TRAM2: variants seen among roughly 807,000 people sequenced by gnomAD.
TRAM2 encodes translocation associated membrane protein 2.
TRAM2 carries 12 observed loss-of-function variants against 51.0 expected under a neutral mutation model. The ratio of observed to expected loss-of-function variants is 0.24; its 90% confidence interval spans 0.15 to 0.38. The LOEUF is 0.38. TRAM2 is among the 10% of genes least tolerant of loss of function. TRAM2 has a pLI of 1.00. For synonymous variants in TRAM2, 175 were observed against 179.4 expected, an observed-to-expected ratio of 0.98 and a Z score of 0.20; for missense variants, 361 against 462.0, an observed-to-expected ratio of 0.78 and a Z score of 2.00.
At chr6:52,538,515 C>A (rs1480764874) in intron 1 of TRAM2, among the ~76,000 whole-genome samples, 1 of 152,204 alleles carries the variant, frequency 6.6e-6, no homozygotes, top group African/African-American at 2.4e-5. Context: ...CTGGCCCCCA[C>A]AGAGCCTCCT....
chr6:52,534,501 C>T (rs903525972), intron 2 of TRAM2, among the ~76,000 whole-genome samples: 4 of 152,152 alleles, frequency 2.6e-5, no homozygotes, highest in East Asian at 1.9e-4. Flanking sequence ...GAGAAAGGAG[C>T]GATACTCTGG....
intron 1 of TRAM2, among the ~76,000 whole-genome samples, chr6:52,558,450 A>G (rs1192254844): frequency 1.3e-5 from 2 of 152,226 alleles, no homozygotes; most frequent in East Asian, 3.8e-4. Context: ...ATAACTGTGG[A>G]ATGAACTGAA....
At chr6:52,516,841 C>T (rs1766560348) in intron 2 of TRAM2, 104 bp from the exon 3 acceptor site, 3 of 870,462 alleles carry the variant, frequency 3.4e-6, no homozygotes, top group African/African-American at 1.7e-5. Flanking sequence ...TCAAATGCTA[C>T]CCGTTTGCTA....
At chr6:52,515,807 G>T in intron 4 of TRAM2, 199 bp downstream of exon 4, 1 of 556,850 alleles carries the variant, frequency 1.8e-6, no homozygotes, top group South Asian at 2.3e-5. Flanking sequence ...CTATAAAATG[G>T]CATCTCTCTG....
chr6:52,499,954 T>C lies in TRAM2; in HGVS notation c.*3243A>G, dbSNP rs1386273334. The stretch of plus-strand genomic sequence containing the variant: ...AGGAACACATGCAATTTATTAATAG[T>C]GCAGCTATCAGCGCCCGGATGGTAA... On this transcript the variant is annotated 3_prime_UTR_variant, in exon 11 of 11. Transcript: ENST00000182527. The C allele has an allele frequency of 6.6e-6, 1 of 152,154 alleles. No individual in the cohort carries two copies. The highest frequency in any genetic ancestry group is 1.5e-5 in the Non-Finnish European group (1 of 68,042). 9.4% of individuals were successfully genotyped at this position (152,154 alleles called of 1,614,324 possible).
At chr6:52,517,714 C>T (rs1320367394) in intron 2 of TRAM2, among the ~76,000 whole-genome samples, 1 of 152,244 alleles carries the variant, frequency 6.6e-6, no homozygotes, top group African/African-American at 2.4e-5. Context: ...TCCAGCTGTG[C>T]TGCATTCGCT....
chr6:52,572,536 G>A (rs1767697949), intron 1 of TRAM2, among the ~76,000 whole-genome samples: 1 of 152,184 alleles, frequency 6.6e-6, no homozygotes, highest in South Asian at 2.1e-4. Flanking sequence ...CTGGGAGGCG[G>A]AGGCTGCAGT....
intron 1 of TRAM2, among the ~76,000 whole-genome samples, chr6:52,556,608 C>T (rs1197340618): frequency 2.0e-5 from 3 of 149,076 alleles, no homozygotes; most frequent in Non-Finnish European, 4.5e-5. Flanking sequence ...TAACAGTCTT[C>T]GTGGGTCAGG....
rs1404957349 is a variant in TRAM2 at position 52,499,717 on chromosome 6, G to A, written c.*3480C>T. On this transcript the variant is annotated 3_prime_UTR_variant, in exon 11 of 11. Transcript: ENST00000182527. ...GGGTTTCCGGTCAAGAGAAGGATCT[G>A]TGAACGTGGCCAGGGCAGAGGTGTC... 1.3e-5 allele frequency: 2 copies of A among 152,310 alleles called. No homozygotes were observed. The highest frequency in any genetic ancestry group is 2.4e-5 in the African/African-American group (1 of 41,450). 9.4% of individuals were successfully genotyped at this position (152,310 alleles called of 1,614,324 possible).
chr6:52,509,609 C>T, intron 4 of TRAM2, 23 bp from the exon 5 acceptor site: 1 of 1,613,168 alleles, frequency 6.2e-7, no homozygotes, highest in Non-Finnish European at 8.5e-7. Flanking sequence ...AGAAGAGAGA[C>T]CATTTAGAGA....
chr6:52,563,980 T>C (rs530593022), intron 1 of TRAM2, among the ~76,000 whole-genome samples: 10 of 151,934 alleles, frequency 6.6e-5, no homozygotes, highest in African/African-American at 2.4e-4. Context: ...TAGCCAGCAT[T>C]CCTAATGTGC....
At chr6:52,519,458 G>A (rs1313948265) in intron 2 of TRAM2, among the ~76,000 whole-genome samples, 3 of 152,156 alleles carry the variant, frequency 2.0e-5, no homozygotes, top group Non-Finnish European at 1.5e-5. Context: ...CGGTTACAAT[G>A]AGGAAAAAAC....
In TRAM2 at chr6:52,508,239, G is replaced by A; in HGVS notation, c.550C>T (p.Arg184Trp). The A allele has an allele frequency of 1.2e-6, 2 of 1,613,978 alleles. No homozygotes were observed. The highest frequency in any genetic ancestry group is 1.7e-5 in the Admixed American group (1 of 60,018). The change falls in exon 6 of 11, where the codon CGG becomes TGG. Residue 184 changes from arginine to tryptophan, a missense_variant. Arg to Trp is a moderately radical substitution (Grantham distance 101). Coordinates refer to ENST00000182527, the MANE Select transcript of TRAM2 (RefSeq NM_012288.4). ...GGAGAGAAGTGAGCACTCACCTTCCGTACCTTCTGGAAGTATAGCTCAGGA... is the reference window on the plus strand; with the variant it reads ...GGAGAGAAGTGAGCACTCACCTTCCATACCTTCTGGAAGTATAGCTCAGGA... ...ALPELYFQKV[R>W]KEEIPRQLQY...
intron 2 of TRAM2, among the ~76,000 whole-genome samples, chr6:52,520,899 C>A (rs1766659467): frequency 6.6e-6 from 1 of 150,992 alleles, no homozygotes; most frequent in South Asian, 2.1e-4. Context: ...TCCCTCCTTA[C>A]CTGCTATCCT....
At chr6:52,505,400 CAGGACT>C (rs1337672265) in intron 9 of TRAM2, among the ~76,000 whole-genome samples, 193 bp downstream of exon 9, 1 of 152,190 alleles carries the variant, frequency 6.6e-6, no homozygotes, top group African/African-American at 2.4e-5. Flanking sequence ...CTGAGCAAAC[CAGGACT>C]AGGGGATGAA....
chr6:52,569,609 T>A (rs1767645568), intron 1 of TRAM2, among the ~76,000 whole-genome samples: 1 of 151,818 alleles, frequency 6.6e-6, no homozygotes, highest in African/African-American at 2.4e-5. Flanking sequence ...TAAACCACCC[T>A]TTCCATCAAC....
rs1190858025 is a variant in TRAM2 at position 52,499,315 on chromosome 6, T to TA, written c.*3881dup. 2 of 152,154 alleles carry TA rather than the reference T, an allele frequency of 1.3e-5. No individual in the cohort carries two copies. The highest frequency in any genetic ancestry group is 4.8e-5 in the African/African-American group (2 of 41,428). The allele number at this position is 152,154 out of a possible 1,614,324, so 9.4% of individuals were successfully genotyped here. ...CAAAAGCTTTCAGCACTCCCTCTGT[T>TA]AGAGGAGAGAGCTTAGAACATCAAG... On this transcript the variant is annotated 3_prime_UTR_variant, in exon 11 of 11. Transcript: ENST00000182527.
intron 1 of TRAM2, among the ~76,000 whole-genome samples, chr6:52,571,605 T>G (rs183110055): frequency 6.6e-6 from 1 of 152,286 alleles, no homozygotes; most frequent in East Asian, 1.9e-4. Context: ...TGTGTTCTAA[T>G]AAGATAGATG....
chr6:52,514,782 G>C (rs1766514110), intron 4 of TRAM2, among the ~76,000 whole-genome samples: 2 of 152,202 alleles, frequency 1.3e-5, no homozygotes, highest in African/African-American at 4.8e-5. Flanking sequence ...TAGGCCTCCG[G>C]GGGTGGGCAT....
Sources: allele counts gnomAD v4.1 joint callset (sites outside exome capture counted in the v4.1 genomes callset), GRCh38; gene constraint gnomAD v4.1.1; transcripts MANE v1.5; gene names NCBI Gene and HGNC (gene_info 2026-07-23, HGNC 2026-07-21).